The following ARHGEF7 variants were observed in gnomAD, a reference collection of about 807,000 sequenced individuals.
The protein encoded by ARHGEF7 is PAK-interacting exchange factor beta.
ARHGEF7 carries 33 observed loss-of-function variants against 109.8 expected under a neutral mutation model. The observed-to-expected ratio is 0.30, with a 90% CI of 0.23 to 0.40. The LOEUF is 0.40. Ranked by LOEUF, ARHGEF7 falls within the 10% of genes least tolerant of loss-of-function variation. ARHGEF7 has a pLI of 1.00. For synonymous variants in ARHGEF7, 458 were observed against 424.6 expected (o/e 1.08, Z -0.97); for missense variants, 938 against 1,098.5 (o/e 0.85, Z 2.07).
chr13:111,168,553 G>T (rs12019889), intron 2 of ARHGEF7, among the ~76,000 whole-genome samples: 7 of 152,056 alleles, frequency 4.6e-5, no homozygotes, highest in African/African-American at 1.7e-4. Flanking sequence ...AAATAGGCAA[G>T]AATTGTTCAG....
At chr13:111,181,906 G>A (rs1249671981) in intron 2 of ARHGEF7, among the ~76,000 whole-genome samples, 2 of 152,186 alleles carry the variant, frequency 1.3e-5, no homozygotes, top group Admixed American at 6.5e-5. Flanking sequence ...TGGCCTGTGA[G>A]CTTTTCAGGT....
At chr13:111,199,641 G>T (rs2080980163) in intron 2 of ARHGEF7, among the ~76,000 whole-genome samples, 1 of 152,198 alleles carries the variant, frequency 6.6e-6, no homozygotes, top group African/African-American at 2.4e-5. Context: ...AAATGTGGCT[G>T]CTTTGGTGTA....
rs1457567165 is a variant in ARHGEF7 at position 111,153,961 on chromosome 13, G to A, written c.222G>A (p.Leu74=). The A allele has an allele frequency of 4.4e-6, 7 of 1,604,278 alleles. No individual in the cohort carries two copies. The highest frequency in any genetic ancestry group is 4.2e-6 in the Non-Finnish European group (5 of 1,177,008). ...GCCTGAGCAACATCCGCGAGTTCCT[G>A]CGCGGCTGCGGGGCTTCCCTGCGGC... ...SECLSNIREF[L]RGCGASLRLE... is the part of the protein sequence containing the mutation. Residue 74 remains leucine (L), a synonymous_variant, in exon 2 of 22, where the codon CTG becomes CTA. Transcript: ENST00000646102.
intron 5 of ARHGEF7, among the ~76,000 whole-genome samples, chr13:111,222,009 C>T (rs567137518): frequency 2.0e-5 from 3 of 152,182 alleles, no homozygotes; most frequent in East Asian, 1.9e-4. Flanking sequence ...CGCCTTTTCA[C>T]GTTTTTCTGC....
At position 111,197,629 on chromosome 13, in the gene ARHGEF7, A is replaced by G. The variant is rs560622122; in HGVS notation, c.253-7660A>G. 1.1e-4 allele frequency among the ~76,000 whole-genome samples: 16 copies of G among 151,718 alleles called. 1 individual carries two copies. In the East Asian group the frequency reaches 1.9e-3, roughly 18 times the overall value. On this transcript the variant is annotated intron_variant, in intron 2 of 21. Transcript: ENST00000646102. ...AGAGTGATGCCTTTTGTCCTCACTT[A>G]TATGAATAGGAAGGATACAATTTCT...
chr13:111,265,498 C>T (rs556942535), intron 8 of ARHGEF7: 13 of 452,012 alleles, frequency 2.9e-5, no homozygotes, highest in South Asian at 1.3e-4. Flanking sequence ...TACTTAGCCG[C>T]GGAGCGGAAA....
chr13:111,296,693 GA>G (rs938867799), intron 19 of ARHGEF7, among the ~76,000 whole-genome samples: 10 of 152,132 alleles, frequency 6.6e-5, no homozygotes, highest in African/African-American at 2.4e-4. Context: ...ATATTTAAAA[GA>G]AAAAAAGTTC....
intron 2 of ARHGEF7, among the ~76,000 whole-genome samples, chr13:111,167,202 G>A (rs1469979820): frequency 1.3e-5 from 2 of 152,156 alleles, no homozygotes; most frequent in Non-Finnish European, 2.9e-5. Context: ...TAGGTTTGTG[G>A]TCATATAGCG....
intron 2 of ARHGEF7, among the ~76,000 whole-genome samples, chr13:111,194,867 C>T (rs1216414718): frequency 2.0e-5 from 3 of 151,812 alleles, no homozygotes; most frequent in Non-Finnish European, 2.9e-5. Context: ...ATACAGAAGG[C>T]GGCATCCTTG....
At chr13:111,241,309 G>C (rs1424560004) in intron 6 of ARHGEF7, 2 of 1,536,082 alleles carry the variant, frequency 1.3e-6, no homozygotes, top group Non-Finnish European at 1.7e-6. Context: ...GCCAGAGCGT[G>C]CAGAAGACGA....
intron 15 of ARHGEF7, among the ~76,000 whole-genome samples, chr13:111,281,892 G>A (rs1234357274): frequency 6.6e-6 from 1 of 152,196 alleles, no homozygotes; most frequent in Non-Finnish European, 1.5e-5. Context: ...TGTGTGGGAT[G>A]ATGTATTCTG....
At chr13:111,283,012 G>T in intron 15 of ARHGEF7, 127 bp from the exon 16 acceptor site, 1 of 1,239,178 alleles carries the variant, frequency 8.1e-7, no homozygotes, top group Admixed American at 2.3e-5. Context: ...CGAATGAAAT[G>T]ATAAATCCTG....
In ARHGEF7 at chr13:111,217,888, G is replaced by A. The variant is rs1027315638; in HGVS notation, c.670+8G>A. ...GCGAGGTCAAGGCCAGCGGTAAGTG[G>A]CCGAGCCTGGGCTGTGTGTGGCTTT... On this transcript the variant is annotated splice_region_variant and intron_variant, in intron 5 of 21. Coordinates refer to ENST00000646102, the MANE Select transcript of ARHGEF7 (RefSeq NM_001354046.2). 4.7e-5 allele frequency: 75 copies of A among 1,607,092 alleles called. No individual in the cohort carries two copies. Among genetic ancestry groups the A allele is most frequent in the Non-Finnish European group, 6.2e-5 (73 of 1,175,034 alleles).
rs144888977 is a variant in ARHGEF7, at chr13:111,230,546, G to A, written c.671-2659G>A. 6.2e-3 allele frequency among the ~76,000 whole-genome samples: 942 copies of A among 152,342 alleles called. 7 individuals are homozygous for A. Among genetic ancestry groups the A allele is most frequent in the Non-Finnish European group, 0.011 (733 of 68,020 alleles). ...GACCGCCCCAGGAGCCTGGACAGTGGTGGGGCAAGCAAGGAGCTTTGCATC... is the reference window on the plus strand; with the variant it reads ...GACCGCCCCAGGAGCCTGGACAGTGATGGGGCAAGCAAGGAGCTTTGCATC... On this transcript the variant is annotated intron_variant, in intron 5 of 21. Coordinates refer to ENST00000646102, the MANE Select transcript of ARHGEF7 (RefSeq NM_001354046.2).
At chr13:111,128,087 A>T (rs2067695964) in intron 1 of ARHGEF7, among the ~76,000 whole-genome samples, 1 of 152,192 alleles carries the variant, frequency 6.6e-6, no homozygotes, top group African/African-American at 2.4e-5. Context: ...ATCCATGAAA[A>T]CCTACAGCCT....
intron 2 of ARHGEF7, among the ~76,000 whole-genome samples, chr13:111,159,421 A>G (rs2076582944): frequency 6.6e-6 from 1 of 152,226 alleles, no homozygotes; most frequent in Admixed American, 6.5e-5. Context: ...TTGCTGGATC[A>G]TATGATAATT....
At chr13:111,212,184 T>C (rs1373701709) in intron 4 of ARHGEF7, among the ~76,000 whole-genome samples, 1 of 152,074 alleles carries the variant, frequency 6.6e-6, no homozygotes. Context: ...GCTTGAACAG[T>C]TTGATGTTGC....
intron 1 of ARHGEF7, among the ~76,000 whole-genome samples, chr13:111,135,723 C>T (rs1274602877): frequency 1.3e-5 from 2 of 152,158 alleles, no homozygotes; most frequent in Admixed American, 1.3e-4. Flanking sequence ...TCTAAATATA[C>T]AATCATGTCA....
At chr13:111,189,019 G>C (rs998720068) in intron 2 of ARHGEF7, among the ~76,000 whole-genome samples, 1 of 152,220 alleles carries the variant, frequency 6.6e-6, no homozygotes, top group African/African-American at 2.4e-5. Context: ...CTGCAGATAA[G>C]GTGTTGCTCT....
Sources: gnomAD v4.1 joint callset for allele counts (sites outside exome capture counted in the v4.1 genomes callset) on GRCh38, gnomAD v4.1.1 for gene constraint, MANE v1.5 for transcripts, NCBI Gene and HGNC (gene_info 2026-07-23, HGNC 2026-07-21) for gene names.